The following SUGCT variants were observed in gnomAD, a reference collection of about 807,000 sequenced individuals.
SUGCT encodes the protein succinyl-CoA:glutarate CoA-transferase.
In SUGCT, 41 loss-of-function variants were observed where a neutral mutation model predicts 55.0. The ratio of observed to expected loss-of-function variants is 0.74; its 90% CI spans 0.58 to 0.97. The LOEUF (loss-of-function observed/expected upper bound fraction) is 0.97. Ranked by LOEUF, SUGCT falls within the 50% of genes least tolerant of loss-of-function variation. SUGCT has a pLI of 0.00. For missense variants in SUGCT, 568 were observed against 547.8 expected, an observed-to-expected ratio of 1.04 and a Z score of -0.37; for synonymous variants, 187 against 200.4, an observed-to-expected ratio of 0.93 and a Z score of 0.56.
chr7:41,009,701 T>G, the SUGCT span, among the ~76,000 whole-genome samples: 1 of 152,100 alleles, frequency 6.6e-6, no homozygotes. Context: ...CTATCCATCC[T>G]TCCTTCCATC....
intron 13 of SUGCT, among the ~76,000 whole-genome samples, chr7:40,752,997 G>A (rs2128714729): frequency 6.6e-6 from 1 of 152,218 alleles, no homozygotes; most frequent in South Asian, 2.1e-4. Context: ...GTTAATGTTT[G>A]GAATTAGAAT....
the SUGCT span, among the ~76,000 whole-genome samples, chr7:40,942,453 T>C: frequency 6.6e-6 from 1 of 152,184 alleles, no homozygotes; most frequent in South Asian, 2.1e-4. Context: ...TAGGTTTTCC[T>C]TTGTAGGTTA....
At chr7:40,582,860 G>T (rs1797177176) in intron 12 of SUGCT, among the ~76,000 whole-genome samples, 1 of 152,114 alleles carries the variant, frequency 6.6e-6, no homozygotes, top group South Asian at 2.1e-4. Flanking sequence ...TAGAAAAGTG[G>T]TTTAATAATG....
At chr7:40,387,128 A>T (rs1199479675) in intron 9 of SUGCT, among the ~76,000 whole-genome samples, 1 of 152,216 alleles carries the variant, frequency 6.6e-6, no homozygotes, top group Non-Finnish European at 1.5e-5. Context: ...ATGAGGTATC[A>T]AAAGGCAAAA....
At chr7:40,754,088 T>C (rs1332420823) in intron 13 of SUGCT, among the ~76,000 whole-genome samples, 2 of 152,200 alleles carry the variant, frequency 1.3e-5, no homozygotes, top group Non-Finnish European at 2.9e-5. Context: ...CCATGAATTA[T>C]CTCTAAGTGT....
intron 12 of SUGCT, among the ~76,000 whole-genome samples, chr7:40,591,857 TTAA>T (rs533210246): frequency 1.4e-3 from 213 of 152,334 alleles, no homozygotes; most frequent in African/African-American, 4.9e-3. Flanking sequence ...TATTGCACAC[TTAA>T]TAATGTTCAA....
rs538947553 is a variant in SUGCT, at chr7:40,356,709, A to C, written c.816+39854A>C. On this transcript the variant is annotated intron_variant, in intron 9 of 13. Transcript: ENST00000335693. The stretch of plus-strand genomic sequence containing the variant: ...TAACACATTTTAGCAGATTCCGCTT[A>C]AGTTGTTTTGAATTAGTGTTTTCTT... Among the ~76,000 whole-genome samples the C allele has an allele frequency of 1.9e-4, 29 of 152,304 alleles. 2 individuals carry two copies. The South Asian group carries it at 5.2e-3, about 27-fold the overall frequency.
chr7:40,384,610 G>A (rs1254604384), intron 9 of SUGCT, among the ~76,000 whole-genome samples: 3 of 151,744 alleles, frequency 2.0e-5, no homozygotes, highest in Non-Finnish European at 2.9e-5. Context: ...GAGTGCAGTA[G>A]CATGATCTTG....
the SUGCT span, among the ~76,000 whole-genome samples, chr7:40,982,682 T>C: frequency 6.6e-5 from 10 of 152,202 alleles, no homozygotes; most frequent in Admixed American, 5.2e-4. Flanking sequence ...TTAGATAGAA[T>C]CTGTGTCACC....
intron 12 of SUGCT, chr7:40,684,032 G>C: frequency 6.2e-7 from 1 of 1,611,918 alleles, no homozygotes. Context: ...TGAGGTCTCT[G>C]TTTTCTTTGC....
chr7:40,542,750 A>C (rs557514302), intron 12 of SUGCT, among the ~76,000 whole-genome samples: 4 of 152,302 alleles, frequency 2.6e-5, no homozygotes, highest in African/African-American at 9.6e-5. Flanking sequence ...TAAGAACAAA[A>C]GGGGCAGAAT....
At chr7:40,207,081 C>T (rs1787017901) in intron 6 of SUGCT, among the ~76,000 whole-genome samples, 1 of 151,954 alleles carries the variant, frequency 6.6e-6, no homozygotes, top group African/African-American at 2.4e-5. Context: ...CACCTGTGGT[C>T]CCATCTCCTT....
At chr7:40,655,643 A>T (rs1482008942) in intron 12 of SUGCT, among the ~76,000 whole-genome samples, 1 of 152,218 alleles carries the variant, frequency 6.6e-6, no homozygotes, top group African/African-American at 2.4e-5. Flanking sequence ...ACAGAGGGTC[A>T]AGATGATCAC....
At chr7:40,984,546 T>G in the SUGCT span, among the ~76,000 whole-genome samples, 1 of 152,184 alleles carries the variant, frequency 6.6e-6, no homozygotes, top group Non-Finnish European at 1.5e-5. Flanking sequence ...TTTCCTATAT[T>G]CTAATAAGTC....
intron 12 of SUGCT, among the ~76,000 whole-genome samples, chr7:40,736,840 T>C (rs1333177017): frequency 1.3e-5 from 2 of 152,120 alleles, no homozygotes; most frequent in Non-Finnish European, 2.9e-5. Context: ...GAGAACTTAC[T>C]ATGAACAGAT....
At chr7:40,869,394 G>A in the SUGCT span, among the ~76,000 whole-genome samples, 191 of 152,192 alleles carry the variant, frequency 1.3e-3, 1 homozygote, top group Non-Finnish European at 2.3e-3. Flanking sequence ...CCAAGTGACA[G>A]CCAGCAACAA....
chr7:40,414,742 A>G (rs1248451138), intron 9 of SUGCT, among the ~76,000 whole-genome samples: 1 of 152,016 alleles, frequency 6.6e-6, no homozygotes, highest in African/African-American at 2.4e-5. Context: ...CCTCATCTCT[A>G]CCAAAAAGTA....
At chr7:40,562,306 A>G (rs866447781) in intron 12 of SUGCT, among the ~76,000 whole-genome samples, 22 of 151,910 alleles carry the variant, frequency 1.4e-4, no homozygotes, top group Middle Eastern at 3.4e-3. Context: ...CTCAAAAAAA[A>G]AAAAAAAAGG....
chr7:40,357,809 A>C (rs1290738993), intron 9 of SUGCT, among the ~76,000 whole-genome samples: 1 of 150,786 alleles, frequency 6.6e-6, no homozygotes, highest in Middle Eastern at 3.4e-3. Flanking sequence ...ACCATTTAAA[A>C]ATGATTTTTT....
Sources: gnomAD v4.1 joint callset for allele counts (sites outside exome capture counted in the v4.1 genomes callset) on GRCh38, gnomAD v4.1.1 for gene constraint, MANE v1.5 for transcripts, NCBI Gene and HGNC (gene_info 2026-07-23, HGNC 2026-07-21) for gene names.